The following EXOC5 variants were observed in gnomAD, a reference collection of about 807,000 sequenced individuals.
EXOC5 encodes the protein SEC10-like 1.
EXOC5 carries 17 observed loss-of-function variants against 90.8 expected under a neutral mutation model. The observed-to-expected ratio is 0.19, with a 90% CI of 0.13 to 0.28. The LOEUF (loss-of-function observed/expected upper bound fraction) is 0.28. Ranked by LOEUF, EXOC5 falls within the 10% of genes least tolerant of loss-of-function variation. The pLI is 1.00. For missense variants in EXOC5, 569 were observed against 830.6 expected (o/e 0.69, Z 3.87); for synonymous variants, 260 against 270.0 (o/e 0.96, Z 0.36).
rs1365948423 is a variant in EXOC5, at chr14:57,204,689, T to C, written c.*3920A>G. 2.6e-5 allele frequency: 4 copies of C among 152,428 alleles called. No homozygotes were observed. Among genetic ancestry groups the C allele is most frequent in the African/African-American group, 9.7e-5 (4 of 41,440 alleles). 9.4% of individuals were successfully genotyped at this position (152,428 alleles called of 1,614,324 possible). ...GGAAAAGTATATAAAATAATACCAA[T>C]AAAGATTTGTGATAGACATATTTCT... On this transcript the variant is annotated 3_prime_UTR_variant, in exon 18 of 18. Transcript: ENST00000621441.
At chr14:57,217,186 GA>G (rs926026450) in intron 15 of EXOC5, among the ~76,000 whole-genome samples, 1 of 152,142 alleles carries the variant, frequency 6.6e-6, no homozygotes, top group African/African-American at 2.4e-5. Flanking sequence ...AGCCATTAAG[GA>G]AAAGTACAGA....
chr14:57,268,271 C>G (rs1299851933), intron 1 of EXOC5: 9 of 405,556 alleles, frequency 2.2e-5, no homozygotes, highest in Non-Finnish European at 3.5e-5. Context: ...TCTCTTTCCT[C>G]GTCCTGAGTC....
chr14:57,246,862 A>C lies in EXOC5; in HGVS notation c.123-4T>G. On this transcript the variant is annotated splice_region_variant and splice_polypyrimidine_tract_variant and intron_variant, in intron 2 of 17. Transcript: ENST00000621441. ...ATTTACAAATTCTTCTAATAATCTAACAGAGGAAAGTTTGAATATGTATCA... is the reference window on the plus strand; with the variant it reads ...ATTTACAAATTCTTCTAATAATCTACCAGAGGAAAGTTTGAATATGTATCA... 1 of 1,548,934 alleles carries C rather than the reference A, an allele frequency of 6.5e-7. No individual in the cohort carries two copies. The highest frequency in any genetic ancestry group is 2.2e-5 in the East Asian group (1 of 44,520).
chr14:57,259,743 T>C (rs562880934), intron 1 of EXOC5, among the ~76,000 whole-genome samples: 8 of 152,338 alleles, frequency 5.3e-5, no homozygotes, highest in African/African-American at 1.7e-4. Context: ...ACATTACTAA[T>C]TGTCATTTTG....
chr14:57,246,174 A>G (rs1884028495), intron 3 of EXOC5, among the ~76,000 whole-genome samples: 4 of 152,136 alleles, frequency 2.6e-5, no homozygotes, highest in Admixed American at 2.0e-4. Flanking sequence ...CCCAGGACCA[A>G]TCTAGTGATT....
At chr14:57,235,862 A>G in intron 6 of EXOC5, 42 bp from the exon 7 acceptor site, 1 of 908,156 alleles carries the variant, frequency 1.1e-6, no homozygotes, top group Non-Finnish European at 1.8e-6. Context: ...CATACAAGGC[A>G]TCCACGTTAT....
chr14:57,250,628 A>C (rs1181154458), intron 1 of EXOC5, among the ~76,000 whole-genome samples: 1 of 152,204 alleles, frequency 6.6e-6, no homozygotes, highest in Non-Finnish European at 1.5e-5. Context: ...AAGATCTGGC[A>C]GAGTCAAACC....
chr14:57,210,087 T>C (rs756559232), intron 15 of EXOC5, 26 bp from the exon 16 acceptor site: 2 of 1,091,882 alleles, frequency 1.8e-6, no homozygotes, highest in South Asian at 1.3e-5. Flanking sequence ...TACAACATTC[T>C]TTAACCCATC....
intron 5 of EXOC5, among the ~76,000 whole-genome samples, chr14:57,238,219 T>TACACAC (rs199783480): frequency 1.6e-4 from 12 of 73,890 alleles, no homozygotes; most frequent in South Asian, 6.1e-4. Flanking sequence ...ACTCCACATA[T>TACACAC]ATATACACAC....
At position 57,263,365 on chromosome 14, in the gene EXOC5, G is replaced by A. The variant is rs111522634; in HGVS notation, c.27+5257C>T. On this transcript the variant is annotated intron_variant, in intron 1 of 17. Coordinates refer to ENST00000621441, the MANE Select transcript of EXOC5 (RefSeq NM_006544.4). ...CATGCCTGTAGTCCCAGCTACTCAG[G>A]AGGCTGAGGTGGGAGGATCGCTTTT... 2.4e-3 allele frequency among the ~76,000 whole-genome samples: 359 copies of A among 152,252 alleles called. 2 individuals carry two copies. The highest frequency in any genetic ancestry group is 8.3e-3 in the African/African-American group (344 of 41,528).
Position 57,268,686 on chromosome 14 carries a change from G to A in EXOC5, c.-38C>T, listed in dbSNP as rs777979767. On this transcript the variant is annotated 5_prime_UTR_variant, in exon 1 of 18. It adds an upstream start codon to the 5' untranslated region. Coordinates refer to ENST00000621441, the MANE Select transcript of EXOC5 (RefSeq NM_006544.4). ...AGAGGCTCGCCCCCCACTGGATGCCGTCTCCGCTTCACATGCTGCGCCTCA... is the reference window on the plus strand; with the variant it reads ...AGAGGCTCGCCCCCCACTGGATGCCATCTCCGCTTCACATGCTGCGCCTCA... 6.4e-7 allele frequency: 1 copy of A among 1,568,324 alleles called. No homozygotes were observed. The highest frequency in any genetic ancestry group is 1.2e-5 in the South Asian group (1 of 86,684).
At position 57,268,746 on chromosome 14, in the gene EXOC5, A is replaced by G. The variant is rs2139680117; in HGVS notation, c.-98T>C. On this transcript the variant is annotated 5_prime_UTR_variant, in exon 1 of 18. Coordinates refer to ENST00000621441, the MANE Select transcript of EXOC5 (RefSeq NM_006544.4). ...CGCACAGGTCTCCGCTCGGCTCGCC[A>G]GCTCCGGCTCCGGGCCGCTGCGGGC... 2 of 1,486,364 alleles carry G rather than the reference A, an allele frequency of 1.3e-6. No homozygotes were observed. The highest frequency in any genetic ancestry group is 2.6e-5 in the East Asian group (1 of 38,834). 92.1% of individuals were successfully genotyped at this position (1,486,364 alleles called of 1,614,324 possible).
chr14:57,240,447 A>C, intron 4 of EXOC5, among the ~76,000 whole-genome samples: 1 of 151,862 alleles, frequency 6.6e-6, no homozygotes, highest in East Asian at 1.9e-4. Flanking sequence ...ATGCCCGGCT[A>C]ATTTTTGTAT....
chr14:57,236,273 AT>A (rs1883655186), intron 6 of EXOC5, among the ~76,000 whole-genome samples: 3 of 144,182 alleles, frequency 2.1e-5, no homozygotes, highest in East Asian at 2.0e-4. Flanking sequence ...CAGTATTTAT[AT>A]TTTTTTCATT....
At chr14:57,217,871 T>C (rs1000465581) in intron 15 of EXOC5, 111 bp downstream of exon 15, 16 of 666,856 alleles carry the variant, frequency 2.4e-5, no homozygotes, top group African/African-American at 7.4e-5. Context: ...AATGTAGCAA[T>C]ATGGTGGAAT....
intron 1 of EXOC5, among the ~76,000 whole-genome samples, chr14:57,259,413 A>C (rs967799542): frequency 5.9e-5 from 9 of 152,228 alleles, no homozygotes; most frequent in South Asian, 4.1e-4. Context: ...TCACACTCTT[A>C]TATCTACCCT....
At chr14:57,214,690 G>C (rs1882923375) in intron 15 of EXOC5, among the ~76,000 whole-genome samples, 1 of 152,196 alleles carries the variant, frequency 6.6e-6, no homozygotes, top group African/African-American at 2.4e-5. Flanking sequence ...GGGAATAAAA[G>C]AGACTGCATC....
rs958122791 is a variant in EXOC5 at position 57,205,811 on chromosome 14, A to C, written c.*2798T>G. On this transcript the variant is annotated 3_prime_UTR_variant, in exon 18 of 18. Transcript: ENST00000621441. ...CTAATTTAAATTAGATTTTAATTTA[A>C]CCTACTTTGATAGTTTTTTAAAACA... The C allele has an allele frequency of 3.7e-5, 16 of 435,764 alleles. No individual in the cohort carries two copies. The highest frequency in any genetic ancestry group is 7.2e-5 in the Non-Finnish European group (16 of 222,230). 27.0% of individuals were successfully genotyped at this position (435,764 alleles called of 1,614,324 possible).
At chr14:57,256,075 C>T (rs1884340980) in intron 1 of EXOC5, among the ~76,000 whole-genome samples, 2 of 152,108 alleles carry the variant, frequency 1.3e-5, no homozygotes, top group Admixed American at 6.5e-5. Context: ...TGCCTACGAA[C>T]ATAGTAAGAG....
Sources: gnomAD v4.1 joint callset for allele counts (sites outside exome capture counted in the v4.1 genomes callset) on GRCh38, gnomAD v4.1.1 for gene constraint, MANE v1.5 for transcripts, NCBI Gene and HGNC (gene_info 2026-07-23, HGNC 2026-07-21) for gene names.